The following MAPK10 variants were observed in gnomAD, a reference collection of about 807,000 sequenced individuals.
MAPK10 encodes JNK3 alpha protein kinase.
In MAPK10, 25 loss-of-function variants were observed where a neutral mutation model predicts 59.3. The observed-to-expected ratio is 0.42, with a 90% CI of 0.31 to 0.59. MAPK10 has a LOEUF of 0.59. Ranked by LOEUF, MAPK10 falls within the 20% of genes least tolerant of loss-of-function variation. The probability of loss-of-function intolerance (pLI) is 0.15; values close to 1 mark genes in which losing one functional copy is unlikely to be tolerated. For missense variants in MAPK10, 351 were observed against 568.9 expected (o/e 0.62, Z 3.90); for synonymous variants, 190 against 200.5 (o/e 0.95, Z 0.44).
intron 9 of MAPK10, among the ~76,000 whole-genome samples, chr4:86,071,584 G>A (rs1359214151): frequency 6.7e-6 from 1 of 149,660 alleles, no homozygotes; most frequent in African/African-American, 2.5e-5. Flanking sequence ...GTGTAAGGAA[G>A]GGATCCAGTT....
At chr4:86,295,003 G>C (rs1416909665) in intron 2 of MAPK10, among the ~76,000 whole-genome samples, 1 of 152,160 alleles carries the variant, frequency 6.6e-6, no homozygotes, top group Non-Finnish European at 1.5e-5. Context: ...ACTTGCTAGA[G>C]GCCTCAGAAG....
At chr4:86,591,664 G>A (rs1763057756) in intron 1 of MAPK10, among the ~76,000 whole-genome samples, 1 of 152,142 alleles carries the variant, frequency 6.6e-6, no homozygotes, top group Admixed American at 6.5e-5. Flanking sequence ...ATAAGCCACT[G>A]TGCCCCACCC....
In MAPK10 at chr4:86,060,505, T is replaced by C. The variant is rs78352771; in HGVS notation, c.1110+3761A>G. ...GCTTGGAGTTCACCCAGATGCTCCT[T>C]AAGGCTTATCTGTAGCTCCACTCTC... On this transcript the variant is annotated intron_variant, in intron 11 of 13. Transcript: ENST00000641462. Among the ~76,000 whole-genome samples, 444 of 152,288 alleles carry C rather than the reference T, an allele frequency of 2.9e-3. 5 individuals are homozygous for C. The highest frequency in any genetic ancestry group is 9.6e-3 in the African/African-American group (401 of 41,568).
intron 3 of MAPK10, among the ~76,000 whole-genome samples, chr4:86,171,431 C>CA (rs1308192572): frequency 1.3e-5 from 2 of 151,810 alleles, no homozygotes; most frequent in African/African-American, 4.9e-5. Flanking sequence ...TGCATATCTA[C>CA]AACTATCTGA....
At chr4:86,291,518 G>T (rs2095226909) in intron 2 of MAPK10, among the ~76,000 whole-genome samples, 2 of 152,174 alleles carry the variant, frequency 1.3e-5, no homozygotes, top group Admixed American at 1.3e-4. Context: ...TTTAAGCAAA[G>T]TAGTCAATGG....
chr4:86,348,885 G>T (rs1339806643), intron 2 of MAPK10, among the ~76,000 whole-genome samples: 2 of 151,906 alleles, frequency 1.3e-5, no homozygotes, highest in East Asian at 3.9e-4. Context: ...TCTTCTCCGG[G>T]CAAAACACTA....
chr4:86,131,053 G>T (rs2060913762), intron 4 of MAPK10, among the ~76,000 whole-genome samples: 1 of 152,142 alleles, frequency 6.6e-6, no homozygotes. Flanking sequence ...CAAGATCTAA[G>T]CAGTATAAGG....
chr4:86,338,462 C>A (rs991559768), intron 2 of MAPK10, among the ~76,000 whole-genome samples: 5 of 152,196 alleles, frequency 3.3e-5, no homozygotes, highest in Non-Finnish European at 5.9e-5. Context: ...ATTTGGGCTT[C>A]TTTCTTTGGA....
At chr4:86,490,404 T>C (rs1313661457) in intron 1 of MAPK10, among the ~76,000 whole-genome samples, 1 of 152,196 alleles carries the variant, frequency 6.6e-6, no homozygotes, top group African/African-American at 2.4e-5. Flanking sequence ...CTGTACTATG[T>C]GGTAAGCGTA....
intron 2 of MAPK10, chr4:86,276,912 A>G (rs2094597464): frequency 6.6e-6 from 1 of 152,184 alleles, no homozygotes; most frequent in African/African-American, 2.4e-5. Context: ...CTATGAGTCT[A>G]TGTATAGTCT....
intron 2 of MAPK10, among the ~76,000 whole-genome samples, chr4:86,227,444 G>A (rs1443904561): frequency 2.8e-5 from 4 of 145,286 alleles, no homozygotes; most frequent in African/African-American, 1.0e-4. Flanking sequence ...CTGAGATGGC[G>A]CAACTGCACT....
At chr4:86,249,449 G>A (rs934049542) in intron 2 of MAPK10, among the ~76,000 whole-genome samples, 29 of 152,104 alleles carry the variant, frequency 1.9e-4, no homozygotes, top group African/African-American at 6.5e-4. Flanking sequence ...CTGTTAATTT[G>A]GAAAGAGACA....
intron 2 of MAPK10, among the ~76,000 whole-genome samples, chr4:86,265,334 C>A (rs922424110): frequency 5.3e-5 from 8 of 151,888 alleles, no homozygotes; most frequent in Non-Finnish European, 1.0e-4. Flanking sequence ...CATGGCAAAA[C>A]CCCATCTCTA....
intron 2 of MAPK10, among the ~76,000 whole-genome samples, chr4:86,309,961 A>T (rs2095638535): frequency 6.6e-6 from 1 of 152,180 alleles, no homozygotes; most frequent in South Asian, 2.1e-4. Context: ...TCAAGCTGGA[A>T]ACTGCTTAAG....
intron 1 of MAPK10, among the ~76,000 whole-genome samples, chr4:86,466,413 A>T (rs1378043522): frequency 1.3e-5 from 2 of 152,310 alleles, no homozygotes; most frequent in East Asian, 3.9e-4. Flanking sequence ...AGTTCCTATT[A>T]TCTGGAAACA....
intron 2 of MAPK10, among the ~76,000 whole-genome samples, chr4:86,332,314 C>G (rs1292943189): frequency 6.6e-6 from 1 of 152,044 alleles, no homozygotes; most frequent in Non-Finnish European, 1.5e-5. Flanking sequence ...TTTTATAAAT[C>G]ATTCTCCTTC....
In MAPK10 at chr4:86,016,170, T is replaced by C. The variant is rs552115758; in HGVS notation, c.*1058A>G. 6.6e-6 allele frequency: 1 copy of C among 152,304 alleles called. No homozygotes were observed. Among genetic ancestry groups the C allele is most frequent in the South Asian group, 2.1e-4 (1 of 4,814 alleles). 9.4% of individuals were successfully genotyped at this position (152,304 alleles called of 1,614,324 possible). ...TCAAAAGCACACACAATAACCTTGCTTCACCACCTGCCACTTTCTCCAGTG... is the reference window on the plus strand; with the variant it reads ...TCAAAAGCACACACAATAACCTTGCCTCACCACCTGCCACTTTCTCCAGTG... On this transcript the variant is annotated 3_prime_UTR_variant, in exon 14 of 14. Transcript: ENST00000641462.
intron 2 of MAPK10, among the ~76,000 whole-genome samples, chr4:86,230,521 G>A (rs1479986582): frequency 6.6e-6 from 1 of 151,898 alleles, no homozygotes; most frequent in Non-Finnish European, 1.5e-5. Flanking sequence ...CTGCTTACAT[G>A]GAAAAAACCA....
chr4:86,160,254 T>C (rs2069138953), intron 3 of MAPK10: 1 of 152,002 alleles, frequency 6.6e-6, no homozygotes. Flanking sequence ...TTACCTGTGA[T>C]TATTTATCCA....
Sources: gnomAD v4.1 joint callset for allele counts (sites outside exome capture counted in the v4.1 genomes callset) on GRCh38, gnomAD v4.1.1 for gene constraint, MANE v1.5 for transcripts, NCBI Gene and HGNC (gene_info 2026-07-23, HGNC 2026-07-21) for gene names.